GSTA1: variants seen among roughly 807,000 people sequenced by gnomAD.
The protein encoded by GSTA1 is glutathione S-transferase alpha 1, also known as glutathione S-transferase A1.
GSTA1 carries 23 observed loss-of-function variants against 21.5 expected under a neutral mutation model. That is an observed-to-expected ratio of 1.07 (90% CI 0.77 to 1.52). The LOEUF (loss-of-function observed/expected upper bound fraction) is 1.52. Ranked by LOEUF, GSTA1 falls within the 40% of genes most tolerant of loss-of-function variation. GSTA1 has a pLI of 0.00. For synonymous variants in GSTA1, 125 were observed against 90.0 expected, an observed-to-expected ratio of 1.39 and a Z score of -2.20; for missense variants, 301 against 264.2, an observed-to-expected ratio of 1.14 and a Z score of -0.96.
At chr6:52,802,068 T>A (rs1315566700) in intron 1 of GSTA1, among the ~76,000 whole-genome samples, 1 of 152,180 alleles carries the variant, frequency 6.6e-6, no homozygotes, top group Non-Finnish European at 1.5e-5. Context: ...GAGTTCCTCC[T>A]GTTAGCAACT....
At chr6:52,794,979 A>G (rs1011383953) in intron 4 of GSTA1, among the ~76,000 whole-genome samples, 1 of 152,234 alleles carries the variant, frequency 6.6e-6, no homozygotes, top group Non-Finnish European at 1.5e-5. Context: ...TTCACATACT[A>G]TAATTGCCAC....
At chr6:52,801,960 A>T (rs565052808) in intron 1 of GSTA1, among the ~76,000 whole-genome samples, 108 of 152,216 alleles carry the variant, frequency 7.1e-4, no homozygotes, top group African/African-American at 2.5e-3. Context: ...CCTGGCTCTC[A>T]GCTCCTGTCT....
At chr6:52,803,336 C>G (rs1341346988) in intron 1 of GSTA1, among the ~76,000 whole-genome samples, 1 of 152,130 alleles carries the variant, frequency 6.6e-6, no homozygotes, top group Non-Finnish European at 1.5e-5. Context: ...TCCTGACATT[C>G]AAACTAATTT....
Position 52,797,596 on chromosome 6 carries a change from C to T in GSTA1, c.129G>A (p.Lys43=). The T allele has an allele frequency of 6.2e-7, 1 of 1,607,968 alleles. No individual in the cohort carries two copies. The highest frequency in any genetic ancestry group is 8.5e-7 in the Non-Finnish European group (1 of 1,174,744). ...KFIKSAEDLD[K]LRNDGYLMFQ... is the part of the protein sequence containing the mutation. Reference sequence around the variant, plus strand: ...AGAGATTGATCTTACCATTTCTTAACTTGTCCAAATCTTCTGCAGATTTTA... The same window carrying T: ...AGAGATTGATCTTACCATTTCTTAATTTGTCCAAATCTTCTGCAGATTTTA... The change falls in exon 3 of 7, where the codon AAG becomes AAA. Residue 43 remains lysine, a synonymous_variant. Transcript: ENST00000334575.
rs60761406 is a variant in GSTA1, at chr6:52,794,094, G to T, written c.414+31C>A. 5 of 1,612,672 alleles carry T rather than the reference G, an allele frequency of 3.1e-6. No homozygotes were observed. The East Asian group carries it at 1.1e-4, about 36-fold the overall frequency. On this transcript the variant is annotated intron_variant, in intron 5 of 6. Transcript: ENST00000334575. ...ATTTTTCTATTGGCCTCTAAACTCA[G>T]TTCCCCAAAACACTGAACTGCTTCA...
intron 3 of GSTA1, 90 bp from the exon 4 acceptor site, chr6:52,796,404 G>T (rs1477651533): frequency 1.3e-6 from 2 of 1,547,704 alleles, no homozygotes; most frequent in Admixed American, 3.8e-5. Context: ...GACTAAATTT[G>T]TAAAATGGCA....
At chr6:52,796,372 A>C in intron 3 of GSTA1, 58 bp from the exon 4 acceptor site, 1 of 1,607,322 alleles carries the variant, frequency 6.2e-7, no homozygotes, top group Non-Finnish European at 8.5e-7. Flanking sequence ...CCCTTTTGGG[A>C]TGAACAAATG....
intron 1 of GSTA1, among the ~76,000 whole-genome samples, chr6:52,803,547 C>T (rs1763764861): frequency 6.6e-6 from 1 of 152,032 alleles, no homozygotes; most frequent in African/African-American, 2.4e-5. Flanking sequence ...GTTTCCCATA[C>T]CATTAAATGC....
chr6:52,794,876 T>A (rs1408701980), intron 4 of GSTA1, among the ~76,000 whole-genome samples: 1 of 152,220 alleles, frequency 6.6e-6, no homozygotes, highest in Non-Finnish European at 1.5e-5. Context: ...GGTGAAATTC[T>A]CTATACAGTT....
chr6:52,802,048 T>C (rs1763730461), intron 1 of GSTA1, among the ~76,000 whole-genome samples: 1 of 152,176 alleles, frequency 6.6e-6, no homozygotes, highest in Non-Finnish European at 1.5e-5. Flanking sequence ...GAGGGGAACA[T>C]CTAATTCCTG....
At chr6:52,796,411 G>A in intron 3 of GSTA1, 97 bp from the exon 4 acceptor site, 2 of 1,525,850 alleles carry the variant, frequency 1.3e-6, no homozygotes, top group Non-Finnish European at 1.8e-6. Context: ...TTTGTAAAAT[G>A]GCAAAGAAAT....
rs751743316 is a variant in GSTA1, at chr6:52,797,570, T to TA, written c.139+15dup. On this transcript the variant is annotated intron_variant, in intron 3 of 6. Transcript: ENST00000334575. ...ACTAGATACCCTCATCAGAGGAACT[T>TA]AGAGATTGATCTTACCATTTCTTAA... The TA allele has an allele frequency of 2.0e-5, 32 of 1,599,312 alleles. No individual in the cohort carries two copies. The South Asian group carries it at 3.5e-4, about 18-fold the overall frequency.
intron 5 of GSTA1, 42 bp downstream of exon 5, chr6:52,794,083 C>A: frequency 6.2e-7 from 1 of 1,611,840 alleles, no homozygotes; most frequent in South Asian, 1.1e-5. Flanking sequence ...TTCTATTGGC[C>A]TCTAAACTCA....
Position 52,791,626 on chromosome 6 carries a change from A to G in GSTA1, c.*232T>C. On this transcript the variant is annotated 3_prime_UTR_variant, in exon 7 of 7. Transcript: ENST00000334575. Reference sequence around the variant, plus strand: ...TTTTTACTGAATTTTTAATTCCAGGAAAATGGTTGGCTAGGAGAAGATTGG... The same window carrying G: ...TTTTTACTGAATTTTTAATTCCAGGGAAATGGTTGGCTAGGAGAAGATTGG... 2.2e-6 allele frequency: 1 copy of G among 456,762 alleles called. No homozygotes were observed. The highest frequency in any genetic ancestry group is 3.7e-5 in the South Asian group (1 of 26,914). The allele number at this position is 456,762 out of a possible 1,614,324, so 28.3% of individuals were successfully genotyped here. A position where few individuals can be genotyped will look rare whatever the true frequency, so the allele number is the denominator to read the frequency against.
At chr6:52,803,126 G>T (rs1763754816) in intron 1 of GSTA1, among the ~76,000 whole-genome samples, 1 of 152,122 alleles carries the variant, frequency 6.6e-6, no homozygotes, top group African/African-American at 2.4e-5. Context: ...GATAGGTAGA[G>T]GCCAGGGATG....
intron 5 of GSTA1, among the ~76,000 whole-genome samples, chr6:52,793,684 A>C (rs1307714987): frequency 6.6e-6 from 1 of 152,090 alleles, no homozygotes; most frequent in Non-Finnish European, 1.5e-5. Flanking sequence ...AAAAATACCC[A>C]TCCCTGAAAC....
intron 1 of GSTA1, among the ~76,000 whole-genome samples, chr6:52,803,563 CCCTGGT>C (rs1763765465): frequency 6.6e-6 from 1 of 152,092 alleles, no homozygotes; most frequent in Admixed American, 6.5e-5. Context: ...AATGCTGAAG[CCCTGGT>C]TTTCTAAATT....
intron 1 of GSTA1, 100 bp downstream of exon 1, chr6:52,803,685 A>G (rs1763768496): frequency 5.7e-6 from 1 of 174,002 alleles, no homozygotes; most frequent in Non-Finnish European, 1.2e-5. Context: ...GTAAAAACAG[A>G]CTTTTCCTTG....
At chr6:52,795,400 T>A (rs1454836157) in intron 4 of GSTA1, among the ~76,000 whole-genome samples, 1 of 152,256 alleles carries the variant, frequency 6.6e-6, no homozygotes, top group Non-Finnish European at 1.5e-5. Flanking sequence ...ACTTTTTGAA[T>A]TCTATGAATA....
Sources: allele counts gnomAD v4.1 joint callset (sites outside exome capture counted in the v4.1 genomes callset), GRCh38; gene constraint gnomAD v4.1.1; transcripts MANE v1.5; gene names NCBI Gene and HGNC (gene_info 2026-07-23, HGNC 2026-07-21).